Variants in MALRD1 observed in about 807,000 individuals in gnomAD.
MALRD1 encodes the protein MAM and LDL-receptor class A domain-containing protein 1.
In MALRD1, 247 loss-of-function variants were observed where a neutral mutation model predicts 242.1. The ratio of observed to expected loss-of-function variants is 1.02; its 90% CI spans 0.92 to 1.13. The LOEUF is 1.13. MALRD1 is among the 50% of genes most tolerant of loss of function. The pLI is 0.00. For missense variants in MALRD1, 2,989 were observed against 2,533.1 expected (o/e 1.18, Z -3.86); for synonymous variants, 995 against 866.6 (o/e 1.15, Z -2.60).
At chr10:19,690,951 A>C (rs74888838) in intron 36 of MALRD1, among the ~76,000 whole-genome samples, 1 of 152,006 alleles carries the variant, frequency 6.6e-6, no homozygotes, top group Non-Finnish European at 1.5e-5. Flanking sequence ...AAAGTGTACT[A>C]TTTGTCTAAG....
chr10:19,664,171 A>C lies in MALRD1; in HGVS notation c.6138-28111A>C, dbSNP rs1051538249. 4.4e-4 allele frequency among the ~76,000 whole-genome samples: 67 copies of C among 151,988 alleles called. 2 individuals carry two copies. On this transcript the variant is annotated intron_variant, in intron 36 of 39. Coordinates refer to ENST00000454679, the MANE Select transcript of MALRD1 (RefSeq NM_001142308.3). ...TGATCAGCTGCAAGAATAAAATGAA[A>C]TGCCTTTACACCATCTAAGACTCTA...
chr10:19,157,029 T>G (rs531499354), intron 12 of MALRD1, among the ~76,000 whole-genome samples: 2 of 152,206 alleles, frequency 1.3e-5, no homozygotes, highest in Non-Finnish European at 2.9e-5. Flanking sequence ...CACTGCAGAC[T>G]GCCAGAAGAG....
intron 2 of MALRD1, among the ~76,000 whole-genome samples, chr10:19,076,623 C>T (rs139702908): frequency 7.9e-4 from 120 of 152,070 alleles, no homozygotes; most frequent in Middle Eastern, 3.4e-3. Context: ...ACTCTCAATG[C>T]GATTGCATTG....
At chr10:19,588,163 G>T (rs984109244) in intron 33 of MALRD1, among the ~76,000 whole-genome samples, 1 of 151,658 alleles carries the variant, frequency 6.6e-6, no homozygotes, top group Admixed American at 6.6e-5. Context: ...TTTTTTTAAA[G>T]ACCTTTCCAA....
intron 12 of MALRD1, among the ~76,000 whole-genome samples, chr10:19,163,606 G>A (rs1014594536): frequency 2.6e-5 from 4 of 152,194 alleles, no homozygotes; most frequent in South Asian, 2.1e-4. Context: ...CCCGTGACAC[G>A]TGTTTGCCTA....
At chr10:19,667,509 A>G (rs1841726115) in intron 36 of MALRD1, among the ~76,000 whole-genome samples, 1 of 152,094 alleles carries the variant, frequency 6.6e-6, no homozygotes, top group African/African-American at 2.4e-5. Flanking sequence ...TCATGGGGAC[A>G]GATTCTTTGT....
intron 16 of MALRD1, 130 bp from the exon 17 acceptor site, chr10:19,204,768 A>T (rs1382917026): frequency 1.0e-6 from 1 of 980,650 alleles, no homozygotes; most frequent in Non-Finnish European, 1.5e-6. Context: ...AGCCACAGTT[A>T]TTGCGGGAAA....
intron 36 of MALRD1, among the ~76,000 whole-genome samples, chr10:19,675,354 G>A (rs969164753): frequency 6.6e-6 from 1 of 152,106 alleles, no homozygotes; most frequent in Non-Finnish European, 1.5e-5. Context: ...TTCAGAGGCC[G>A]TGAATTTACT....
At chr10:19,573,525 C>T (rs914578490) in intron 33 of MALRD1, among the ~76,000 whole-genome samples, 5 of 152,158 alleles carry the variant, frequency 3.3e-5, no homozygotes, top group Admixed American at 2.0e-4. Flanking sequence ...CCGCCTCCCT[C>T]ATTTTCTTTC....
In MALRD1 at chr10:19,734,378, A is replaced by G. The variant is rs907553217; in HGVS notation, c.*141A>G. The G allele has an allele frequency of 1.1e-5, 7 of 647,794 alleles. No individual in the cohort carries two copies. The African/African-American group carries it at 1.3e-4, about 12-fold the overall frequency. 40.1% of individuals were successfully genotyped at this position (647,794 alleles called of 1,614,324 possible). Reference sequence around the variant, plus strand: ...AGTGTAATTATAACATTTATGAATGAATTTTCTTGCAGAATATAGAGAATG... The same window carrying G: ...AGTGTAATTATAACATTTATGAATGGATTTTCTTGCAGAATATAGAGAATG... On this transcript the variant is annotated 3_prime_UTR_variant, in exon 40 of 40. Coordinates refer to ENST00000454679, the MANE Select transcript of MALRD1 (RefSeq NM_001142308.3).
At chr10:19,674,985 G>A (rs1842077786) in intron 36 of MALRD1, among the ~76,000 whole-genome samples, 2 of 150,396 alleles carry the variant, frequency 1.3e-5, no homozygotes, top group African/African-American at 4.9e-5. Flanking sequence ...CTTTTTTTTA[G>A]TATCATCTCA....
chr10:19,387,452 A>T, intron 26 of MALRD1, 76 bp from the exon 27 acceptor site: 1 of 1,454,806 alleles, frequency 6.9e-7, no homozygotes, highest in Non-Finnish European at 9.2e-7. Context: ...AAATGAATCC[A>T]CTCTTACTGC....
chr10:19,226,646 G>A (rs1156591603), intron 18 of MALRD1, among the ~76,000 whole-genome samples: 2 of 151,828 alleles, frequency 1.3e-5, no homozygotes, highest in East Asian at 3.9e-4. Context: ...AGGGAGGGAA[G>A]GAGGAATGGA....
chr10:19,665,391 G>A (rs779275670), intron 36 of MALRD1, among the ~76,000 whole-genome samples: 2 of 152,108 alleles, frequency 1.3e-5, no homozygotes, highest in African/African-American at 2.4e-5. Flanking sequence ...CTTTCTTCCG[G>A]TGATAAGGTC....
chr10:19,587,425 A>G (rs994167233), intron 33 of MALRD1, among the ~76,000 whole-genome samples: 1 of 152,228 alleles, frequency 6.6e-6, no homozygotes, highest in Non-Finnish European at 1.5e-5. Context: ...TTCTACTTGC[A>G]TATCATTTTT....
At chr10:19,240,952 G>A (rs896102743) in intron 18 of MALRD1, among the ~76,000 whole-genome samples, 3 of 152,000 alleles carry the variant, frequency 2.0e-5, no homozygotes, top group South Asian at 2.1e-4. Flanking sequence ...GTGTGCTGTC[G>A]AAGTCAGTTC....
At position 19,137,912 on chromosome 10, in the gene MALRD1, G is replaced by C. The variant is rs964678442; in HGVS notation, c.1411+1131G>C. Among the ~76,000 whole-genome samples, 7 of 152,302 alleles carry C rather than the reference G, an allele frequency of 4.6e-5. No individual in the cohort carries two copies. The East Asian group carries it at 1.4e-3, about 29-fold the overall frequency. ...TATCACAAACAGGTGGTTTTTAAAA[G>C]ATATTAAAAATTTGACGTTTATTTT... On this transcript the variant is annotated intron_variant, in intron 10 of 39. Transcript: ENST00000454679.
chr10:19,142,236 C>T (rs1416701801), intron 10 of MALRD1, among the ~76,000 whole-genome samples: 1 of 135,388 alleles, frequency 7.4e-6, no homozygotes, highest in African/African-American at 2.8e-5. Flanking sequence ...AAAGGAAATA[C>T]CAATATAAAA....
chr10:19,115,343 C>T (rs1247818975), intron 5 of MALRD1, among the ~76,000 whole-genome samples: 1 of 151,938 alleles, frequency 6.6e-6, no homozygotes, highest in Non-Finnish European at 1.5e-5. Context: ...CTCTGGGTGA[C>T]CAAATAATCT....
Sources: gnomAD v4.1 joint callset for allele counts (sites outside exome capture counted in the v4.1 genomes callset) on GRCh38, gnomAD v4.1.1 for gene constraint, MANE v1.5 for transcripts, NCBI Gene and HGNC (gene_info 2026-07-23, HGNC 2026-07-21) for gene names.